MARCHF1: variants seen among roughly 807,000 people sequenced by gnomAD.
MARCHF1 encodes the protein membrane associated ring-CH-type finger 1.
A neutral mutation model predicts 54.2 loss-of-function variants in MARCHF1; 40 were observed. That is an observed-to-expected ratio of 0.74 (90% CI 0.57 to 0.96). MARCHF1 has a LOEUF of 0.96. Among genes scored for constraint, MARCHF1 ranks in the 40% least tolerant of loss-of-function variants. The probability of loss-of-function intolerance (pLI) is 0.00; values close to 1 mark genes in which losing one functional copy is unlikely to be tolerated. For missense variants in MARCHF1, 586 were observed against 656.5 expected (o/e 0.89, Z 1.17); for synonymous variants, 236 against 236.3 (o/e 1.00, Z 0.01).
chr4:164,346,353 A>G (rs2110863499), intron 1 of MARCHF1, among the ~76,000 whole-genome samples: 1 of 152,276 alleles, frequency 6.6e-6, no homozygotes, highest in East Asian at 1.9e-4. Context: ...GACATGGTAA[A>G]AAGAAAAACT....
chr4:163,953,971 T>C (rs1270083613), intron 3 of MARCHF1, among the ~76,000 whole-genome samples: 1 of 152,070 alleles, frequency 6.6e-6, no homozygotes, highest in Non-Finnish European at 1.5e-5. Flanking sequence ...TTAATACCAA[T>C]AAAAAACTAC....
At chr4:163,836,265 A>G (rs1310994605) in intron 4 of MARCHF1, among the ~76,000 whole-genome samples, 4 of 147,152 alleles carry the variant, frequency 2.7e-5, no homozygotes. Context: ...ATTTATTTAG[A>G]GATGGAGTCT....
At chr4:163,856,425 A>G (rs1450722249) in intron 3 of MARCHF1, among the ~76,000 whole-genome samples, 2 of 152,190 alleles carry the variant, frequency 1.3e-5, no homozygotes, top group African/African-American at 4.8e-5. Context: ...GGGACTGCAA[A>G]GTTTATAATT....
At chr4:163,633,316 C>T (rs1420993306) in intron 5 of MARCHF1, among the ~76,000 whole-genome samples, 1 of 151,988 alleles carries the variant, frequency 6.6e-6, no homozygotes, top group Non-Finnish European at 1.5e-5. Context: ...GGAGGACATT[C>T]AAACCAAAGG....
intron 3 of MARCHF1, among the ~76,000 whole-genome samples, chr4:163,891,400 CG>C (rs1412413818): frequency 6.6e-6 from 1 of 151,986 alleles, no homozygotes; most frequent in Non-Finnish European, 1.5e-5. Flanking sequence ...ATTTACACAA[CG>C]CTTCATGTTC....
chr4:164,121,525 A>G (rs1756066387), intron 1 of MARCHF1, among the ~76,000 whole-genome samples: 1 of 152,050 alleles, frequency 6.6e-6, no homozygotes, highest in African/African-American at 2.4e-5. Flanking sequence ...ATGAGAACTC[A>G]CTCACTGTCA....
At chr4:163,798,710 A>G (rs755749765) in intron 4 of MARCHF1, among the ~76,000 whole-genome samples, 1 of 152,094 alleles carries the variant, frequency 6.6e-6, no homozygotes, top group African/African-American at 2.4e-5. Context: ...AATACAGTGA[A>G]ATGGATGGAA....
intron 1 of MARCHF1, among the ~76,000 whole-genome samples, chr4:164,230,991 C>G (rs1230434255): frequency 6.6e-6 from 1 of 152,054 alleles, no homozygotes; most frequent in South Asian, 2.1e-4. Context: ...AAAAATAGAA[C>G]ACAAATGCTC....
intron 4 of MARCHF1, among the ~76,000 whole-genome samples, chr4:163,788,630 T>G (rs113119207): frequency 0.024 from 3,607 of 152,102 alleles, 93 homozygotes; most frequent in African/African-American, 0.06. Context: ...GGGTTATGAA[T>G]TTTGTAAAGA....
intron 4 of MARCHF1, among the ~76,000 whole-genome samples, chr4:163,756,631 CAAAAAAAAAAA>C (rs67382228): frequency 2.1e-4 from 14 of 67,578 alleles, no homozygotes; most frequent in South Asian, 7.6e-4. Flanking sequence ...GACTCTGTCT[CAAAAAAAAAAA>C]AAAAAAAAAA....
chr4:163,889,029 G>A (rs980851453), intron 3 of MARCHF1, among the ~76,000 whole-genome samples: 1 of 152,116 alleles, frequency 6.6e-6, no homozygotes, highest in Non-Finnish European at 1.5e-5. Flanking sequence ...AGCTATTTGA[G>A]CTTTGGGTGG....
intron 3 of MARCHF1, among the ~76,000 whole-genome samples, chr4:163,971,409 G>C (rs1010692744): frequency 6.6e-6 from 1 of 152,184 alleles, no homozygotes; most frequent in Non-Finnish European, 1.5e-5. Flanking sequence ...ATTGCCCATA[G>C]AAAACTAAGG....
chr4:164,344,201 C>G (rs983815766), intron 1 of MARCHF1, among the ~76,000 whole-genome samples: 1 of 152,032 alleles, frequency 6.6e-6, no homozygotes, highest in Non-Finnish European at 1.5e-5. Flanking sequence ...AAGAAGGGAA[C>G]AGCAGACACC....
At chr4:163,925,252 T>C (rs1307925183) in intron 3 of MARCHF1, among the ~76,000 whole-genome samples, 1 of 151,884 alleles carries the variant, frequency 6.6e-6, no homozygotes, top group East Asian at 1.9e-4. Flanking sequence ...AAGGTTTTAT[T>C]CATACCCGAA....
At position 164,029,308 on chromosome 4, in the gene MARCHF1, T is replaced by C. The variant is rs138340682; in HGVS notation, c.-247-40599A>G. Among the ~76,000 whole-genome samples the C allele has an allele frequency of 3.3e-3, 509 of 152,144 alleles. 3 individuals carry two copies. The highest frequency in any genetic ancestry group is 0.012 in the African/African-American group (485 of 41,502). On this transcript the variant is annotated intron_variant, in intron 2 of 9. Coordinates refer to ENST00000514618, the MANE Select transcript of MARCHF1 (RefSeq NM_001394959.1). Reference sequence around the variant, plus strand: ...AGGCAAACAGGAGTGAGGAGCTTCATATGGCCAGAGCAGGAGGGAGAGAGA... The same window carrying C: ...AGGCAAACAGGAGTGAGGAGCTTCACATGGCCAGAGCAGGAGGGAGAGAGA...
chr4:163,786,342 T>C (rs1747619197), intron 4 of MARCHF1, among the ~76,000 whole-genome samples: 2 of 152,002 alleles, frequency 1.3e-5, no homozygotes, highest in Non-Finnish European at 1.5e-5. Context: ...ATCAATCGAT[T>C]TGAGGCATAG....
intron 1 of MARCHF1, among the ~76,000 whole-genome samples, chr4:164,266,294 T>C (rs1579674403): frequency 6.6e-6 from 1 of 152,158 alleles, no homozygotes; most frequent in South Asian, 2.1e-4. Flanking sequence ...ACTTGGACAA[T>C]AGCATTTGCT....
At chr4:164,274,447 G>A (rs1424039842) in intron 1 of MARCHF1, among the ~76,000 whole-genome samples, 2 of 151,820 alleles carry the variant, frequency 1.3e-5, no homozygotes, top group African/African-American at 4.8e-5. Flanking sequence ...TTAATAAGAG[G>A]AATTCATATG....
chr4:164,163,902 T>C (rs1730304372), intron 1 of MARCHF1, among the ~76,000 whole-genome samples: 1 of 151,946 alleles, frequency 6.6e-6, no homozygotes, highest in Non-Finnish European at 1.5e-5. Context: ...ATGATGAAAT[T>C]ATATTAAAAA....
Sources: gnomAD v4.1 joint callset for allele counts (sites outside exome capture counted in the v4.1 genomes callset) on GRCh38, gnomAD v4.1.1 for gene constraint, MANE v1.5 for transcripts, NCBI Gene and HGNC (gene_info 2026-07-23, HGNC 2026-07-21) for gene names.